Variants in COX10 observed in about 807,000 individuals in gnomAD.
COX10 encodes protoheme IX farnesyltransferase, mitochondrial.
COX10 carries 27 observed loss-of-function variants against 37.3 expected under a neutral mutation model. The observed-to-expected ratio is 0.72, with a 90% confidence interval of 0.53 to 1.00. The LOEUF is 1.00. Ranked by LOEUF, COX10 falls within the 50% of genes least tolerant of loss-of-function variation. The probability of loss-of-function intolerance (pLI) is 0.00; values close to 1 mark genes in which losing one functional copy is unlikely to be tolerated. For missense variants in COX10, 475 were observed against 563.2 expected (o/e 0.84, Z 1.59); for synonymous variants, 222 against 229.1 (o/e 0.97, Z 0.28).
chr17:14,145,037 T>G (rs1904669849), intron 4 of COX10, among the ~76,000 whole-genome samples: 1 of 152,062 alleles, frequency 6.6e-6, no homozygotes, highest in African/African-American at 2.4e-5. Context: ...TTACCAGTCC[T>G]TAGGTAATCC....
chr17:14,188,071 A>C (rs938733371), intron 5 of COX10, among the ~76,000 whole-genome samples: 1 of 151,094 alleles, frequency 6.6e-6, no homozygotes, highest in Admixed American at 6.6e-5. Flanking sequence ...CCTCCACAGA[A>C]CTTGAAGAAG....
intron 4 of COX10, among the ~76,000 whole-genome samples, chr17:14,151,700 A>C (rs2142233584): frequency 6.6e-6 from 1 of 152,328 alleles, no homozygotes; most frequent in South Asian, 2.1e-4. Context: ...CAATTAAAGT[A>C]CATATATCAA....
chr17:14,206,932 G>C lies in COX10; in HGVS notation c.1051G>C (p.Gly351Arg), dbSNP rs756018268. The change falls in exon 7 of 7, where the codon GGC becomes CGC. Residue 351 changes from glycine to arginine, a missense_variant. Physicochemically the swap from Gly to Arg is moderately radical, Grantham distance 125. Transcript: ENST00000261643. Reference sequence around the variant, plus strand: ...CTGCATGATGTCGGTCACCCACCCGGGCCTGTGCCGGCGCGTGGCGCTGCG... The same window carrying C: ...CTGCATGATGTCGGTCACCCACCCGCGCCTGTGCCGGCGCGTGGCGCTGCG... ...GYCMMSVTHP[G>R]LCRRVALRHC... 17 of 1,613,674 alleles carry C rather than the reference G, an allele frequency of 1.1e-5. No homozygotes were observed. Among genetic ancestry groups the C allele is most frequent in the Non-Finnish European group, 1.4e-5 (16 of 1,179,844 alleles).
At chr17:14,082,573 ATTG>A (rs1915320617) in intron 3 of COX10, among the ~76,000 whole-genome samples, 1 of 152,092 alleles carries the variant, frequency 6.6e-6, no homozygotes, top group Non-Finnish European at 1.5e-5. Context: ...CATACTGGCT[ATTG>A]TTGTATTATT....
intron 6 of COX10, among the ~76,000 whole-genome samples, chr17:14,194,515 T>C (rs996694328): frequency 2.6e-5 from 4 of 152,000 alleles, no homozygotes; most frequent in African/African-American, 4.8e-5. Flanking sequence ...CAACCTCCGC[T>C]TCCTGGGTTC....
At position 14,207,173 on chromosome 17, in the gene COX10, G is replaced by A. The variant is rs569879930; in HGVS notation, c.1292G>A (p.Arg431Gln). ...LLLLLMLTCKRPSGGGDAGPP... is the reference protein window; with the variant it reads ...LLLLLMLTCKQPSGGGDAGPP... ...CTGCTGCTCATGCTCACCTGCAAGC[G>A]GCCGAGCGGAGGCGGGGACGCAGGG... is the stretch of plus-strand genomic sequence containing the variant. Residue 431 changes from arginine (R) to glutamine (Q), a missense_variant, in exon 7 of 7, where the codon CGG becomes CAG. Coordinates refer to ENST00000261643, the MANE Select transcript of COX10 (RefSeq NM_001303.4). The A allele has an allele frequency of 9.3e-6, 15 of 1,608,820 alleles. No homozygotes were observed. Among genetic ancestry groups the A allele is most frequent in the African/African-American group, 2.7e-5 (2 of 74,924 alleles).
chr17:14,075,056 A>G (rs1421577273), intron 2 of COX10, among the ~76,000 whole-genome samples: 2 of 152,244 alleles, frequency 1.3e-5, no homozygotes, highest in Non-Finnish European at 2.9e-5. Context: ...AGGGTCATAG[A>G]ATGGCAAAAT....
chr17:14,128,442 T>G (rs1165990474), intron 4 of COX10, among the ~76,000 whole-genome samples: 2 of 152,192 alleles, frequency 1.3e-5, no homozygotes, highest in Admixed American at 1.3e-4. Flanking sequence ...TTAATTATAT[T>G]ACCTGTGTTC....
intron 6 of COX10, among the ~76,000 whole-genome samples, chr17:14,204,031 G>A (rs1302290112): frequency 1.3e-5 from 2 of 152,072 alleles, no homozygotes; most frequent in South Asian, 2.1e-4. Context: ...TTCCCAAGCC[G>A]GTGTTGGGAA....
intron 3 of COX10, among the ~76,000 whole-genome samples, chr17:14,089,153 G>A (rs1178599794): frequency 7.9e-5 from 12 of 152,220 alleles, no homozygotes; most frequent in Non-Finnish European, 2.9e-5. Flanking sequence ...CCCTCACTGG[G>A]CTCTCTCATT....
chr17:14,205,825 A>G (rs139271882), intron 6 of COX10, among the ~76,000 whole-genome samples: 2 of 152,276 alleles, frequency 1.3e-5, no homozygotes, highest in East Asian at 1.9e-4. Flanking sequence ...TCAAGATTAA[A>G]TGGGGCAAAC....
intron 3 of COX10, among the ~76,000 whole-genome samples, chr17:14,084,817 C>T (rs945561201): frequency 2.6e-5 from 4 of 152,082 alleles, no homozygotes; most frequent in African/African-American, 4.8e-5. Flanking sequence ...CCTGCCACCA[C>T]GCCAGCTAAT....
intron 1 of COX10, among the ~76,000 whole-genome samples, chr17:14,072,421 G>T (rs952796461): frequency 6.6e-6 from 1 of 152,018 alleles, no homozygotes; most frequent in African/African-American, 2.4e-5. Context: ...GGGTTTCACT[G>T]TGTTGGCCAG....
At chr17:14,194,233 G>T (rs1416346847) in intron 6 of COX10, among the ~76,000 whole-genome samples, 1 of 151,728 alleles carries the variant, frequency 6.6e-6, no homozygotes, top group Non-Finnish European at 1.5e-5. Flanking sequence ...CTGAGGGCTA[G>T]AGGCCCTTGT....
chr17:14,153,982 G>T (rs1462844264), intron 4 of COX10, among the ~76,000 whole-genome samples: 1 of 152,180 alleles, frequency 6.6e-6, no homozygotes, highest in Non-Finnish European at 1.5e-5. Flanking sequence ...TCTGCAAGAT[G>T]ATGAATATCA....
At chr17:14,197,718 G>C (rs1906408493) in intron 6 of COX10, among the ~76,000 whole-genome samples, 1 of 147,626 alleles carries the variant, frequency 6.8e-6, no homozygotes, top group African/African-American at 2.7e-5. Context: ...CCCCGTCACA[G>C]TGCCAACGGC....
At chr17:14,087,553 A>G (rs1298297099) in intron 3 of COX10, among the ~76,000 whole-genome samples, 3 of 151,982 alleles carry the variant, frequency 2.0e-5, no homozygotes, top group Non-Finnish European at 4.4e-5. Context: ...TAACAGTTTC[A>G]CTTGTTGGAG....
chr17:14,168,841 G>A (rs889997503), intron 5 of COX10, among the ~76,000 whole-genome samples: 11 of 152,230 alleles, frequency 7.2e-5, no homozygotes, highest in African/African-American at 2.7e-4. Context: ...TGTGATGGGA[G>A]GGGCTGCAGC....
intron 5 of COX10, among the ~76,000 whole-genome samples, chr17:14,186,968 A>C (rs1906047491): frequency 7.4e-6 from 1 of 134,802 alleles, no homozygotes; most frequent in African/African-American, 2.7e-5. Context: ...ATCTCAGTAA[A>C]CTTGTCTTAT....
Sources: gnomAD v4.1 joint callset for allele counts (sites outside exome capture counted in the v4.1 genomes callset) on GRCh38, gnomAD v4.1.1 for gene constraint, MANE v1.5 for transcripts, NCBI Gene and HGNC (gene_info 2026-07-23, HGNC 2026-07-21) for gene names.